Variants in ADCY5 observed in about 807,000 individuals in gnomAD.
ADCY5 encodes the protein adenylate cyclase type 5.
In ADCY5, 30 loss-of-function variants were observed where a neutral mutation model predicts 119.7. The observed-to-expected ratio is 0.25, with a 90% CI of 0.19 to 0.34. The LOEUF (loss-of-function observed/expected upper bound fraction) is 0.34. Among genes scored for constraint, ADCY5 ranks in the 10% least tolerant of loss-of-function variants. The pLI is 1.00. For synonymous variants in ADCY5, 753 were observed against 762.2 expected (o/e 0.99, Z 0.20); for missense variants, 1,324 against 1,775.2 (o/e 0.75, Z 4.57).
At position 123,296,273 on chromosome 3, in the gene ADCY5, G is replaced by A. The variant is rs1256065366; in HGVS notation, c.2931-57C>T. The A allele has an allele frequency of 2.5e-6, 4 of 1,579,218 alleles. No individual in the cohort carries two copies. The East Asian group carries it at 6.8e-5, about 27-fold the overall frequency. On this transcript the variant is annotated intron_variant, in intron 16 of 20. Coordinates refer to ENST00000462833, the MANE Select transcript of ADCY5 (RefSeq NM_183357.3). ...GCCGTGGCTCCTCACAGCGGGCTCT[G>A]AGGACCCCACCCCCACCCACTGCTG...
chr3:123,436,347 T>C (rs1197140679), intron 1 of ADCY5, among the ~76,000 whole-genome samples: 2 of 151,964 alleles, frequency 1.3e-5, no homozygotes, highest in Non-Finnish European at 2.9e-5. Flanking sequence ...TACTCTAGCC[T>C]GCGCAACAGA....
At chr3:123,432,421 G>A (rs1482707736) in intron 1 of ADCY5, among the ~76,000 whole-genome samples, 1 of 152,186 alleles carries the variant, frequency 6.6e-6, no homozygotes, top group Admixed American at 6.5e-5. Flanking sequence ...CGGGTGGAGG[G>A]AGAGAAAAAT....
intron 19 of ADCY5, 33 bp downstream of exon 19, chr3:123,289,717 C>G (rs892549255): frequency 6.2e-7 from 1 of 1,609,294 alleles, no homozygotes; most frequent in Non-Finnish European, 8.5e-7. Context: ...CTGACTGCAC[C>G]CTGGGCTCAG....
chr3:123,374,722 G>A (rs918070608), intron 1 of ADCY5, among the ~76,000 whole-genome samples: 11 of 152,086 alleles, frequency 7.2e-5, no homozygotes, highest in African/African-American at 2.7e-4. Flanking sequence ...CTGGAGGCTG[G>A]GTCTGCAGAC....
chr3:123,353,741 C>A lies in ADCY5; in HGVS notation c.1135-1160G>T, dbSNP rs191068623. ...GTCGGCTGCCTGGCAGTGGCCCTGG[C>A]AGATGACTCCTACGCTCTTCTCTAG... On this transcript the variant is annotated intron_variant, in intron 1 of 20. Transcript: ENST00000462833. 3.2e-4 allele frequency among the ~76,000 whole-genome samples: 49 copies of A among 152,302 alleles called. 1 individual carries two copies. The East Asian group carries it at 9.1e-3, about 28-fold the overall frequency.
At chr3:123,404,347 A>T (rs764393425) in intron 1 of ADCY5, 2 of 152,324 alleles carry the variant, frequency 1.3e-5, no homozygotes, top group Non-Finnish European at 2.9e-5. Context: ...CACCCTTGCC[A>T]GACACAGTGG....
intron 1 of ADCY5, among the ~76,000 whole-genome samples, chr3:123,369,907 C>T (rs535806956): frequency 6.6e-6 from 1 of 152,174 alleles, no homozygotes; most frequent in Non-Finnish European, 1.5e-5. Flanking sequence ...GGAGATTCTG[C>T]CCTGGTCTCC....
intron 20 of ADCY5, 92 bp from the exon 21 acceptor site, chr3:123,284,828 G>A: frequency 1.3e-6 from 2 of 1,538,950 alleles, no homozygotes; most frequent in Non-Finnish European, 1.8e-6. Context: ...GCCCAGCCCT[G>A]TTGCCGCCCC....
intron 1 of ADCY5, among the ~76,000 whole-genome samples, chr3:123,373,861 G>C (rs1943730753): frequency 1.4e-5 from 2 of 148,112 alleles, no homozygotes; most frequent in African/African-American, 5.0e-5. Flanking sequence ...AGGGTGATTT[G>C]GCAACCTTGG....
In ADCY5 at chr3:123,297,346, A is replaced by G. The variant is rs201682953; in HGVS notation, c.2930+7T>C. ...GGAGCGACCCTATCCGAGGAGCATC[A>G]ACTCACCACTGGGAGGTCCCGTTGT... On this transcript the variant is annotated splice_region_variant and intron_variant, in intron 16 of 20. Coordinates refer to ENST00000462833, the MANE Select transcript of ADCY5 (RefSeq NM_183357.3). 1.6e-5 allele frequency: 26 copies of G among 1,613,824 alleles called. No individual in the cohort carries two copies. The African/African-American group carries it at 3.2e-4, about 20-fold the overall frequency.
At chr3:123,342,475 C>T (rs1321607026) in intron 3 of ADCY5, among the ~76,000 whole-genome samples, 1 of 152,160 alleles carries the variant, frequency 6.6e-6, no homozygotes, top group East Asian at 1.9e-4. Flanking sequence ...ACCTCATTGC[C>T]ACACCAGACT....
In ADCY5 at chr3:123,406,442, C is replaced by A. The variant is rs572230833; in HGVS notation, c.1134+40970G>T. On this transcript the variant is annotated intron_variant, in intron 1 of 20. Coordinates refer to ENST00000462833, the MANE Select transcript of ADCY5 (RefSeq NM_183357.3). ...CGGTGGTTGTCTCCCGATCTGTTGG[C>A]CACACCATACCTGAACAATAATAAA... Among the ~76,000 whole-genome samples the A allele has an allele frequency of 7.9e-5, 12 of 152,334 alleles. No homozygotes were observed. The East Asian group carries it at 2.1e-3, about 27-fold the overall frequency.
chr3:123,401,832 T>A (rs1018315601), intron 1 of ADCY5, among the ~76,000 whole-genome samples: 2 of 152,098 alleles, frequency 1.3e-5, no homozygotes, highest in African/African-American at 4.8e-5. Context: ...ACCCGGCCTG[T>A]CTCAGAAAGG....
chr3:123,305,207 G>A (rs1042843710), intron 12 of ADCY5, among the ~76,000 whole-genome samples: 1 of 152,148 alleles, frequency 6.6e-6, no homozygotes, highest in Non-Finnish European at 1.5e-5. Context: ...CAGCTTTTGT[G>A]GTGAGTGAAG....
intron 1 of ADCY5, among the ~76,000 whole-genome samples, chr3:123,413,119 T>C (rs1945098060): frequency 1.3e-5 from 2 of 152,160 alleles, no homozygotes; most frequent in Admixed American, 6.5e-5. Flanking sequence ...TGTTTTCCCA[T>C]TTTCATCTTG....
At chr3:123,355,327 A>C (rs564484676) in intron 1 of ADCY5, among the ~76,000 whole-genome samples, 24 of 152,266 alleles carry the variant, frequency 1.6e-4, no homozygotes, top group African/African-American at 5.8e-4. Context: ...TTGGAAGTAA[A>C]ATTTTTAAAG....
chr3:123,303,771 G>T (rs1239798311), intron 13 of ADCY5, among the ~76,000 whole-genome samples: 1 of 152,114 alleles, frequency 6.6e-6, no homozygotes, highest in Admixed American at 6.6e-5. Flanking sequence ...GTTGCAGTGA[G>T]CTGTGATGGC....
intron 1 of ADCY5, among the ~76,000 whole-genome samples, chr3:123,409,527 A>G (rs1944989691): frequency 6.6e-6 from 1 of 152,172 alleles, no homozygotes; most frequent in African/African-American, 2.4e-5. Flanking sequence ...AGCAGCACAG[A>G]TAGGTAAGGG....
At chr3:123,290,283 A>G (rs1279963971) in intron 18 of ADCY5, among the ~76,000 whole-genome samples, 1 of 152,028 alleles carries the variant, frequency 6.6e-6, no homozygotes, top group Non-Finnish European at 1.5e-5. Flanking sequence ...ACCCAGGGAA[A>G]CCTCCATTTG....
Sources: gnomAD v4.1 joint callset for allele counts (sites outside exome capture counted in the v4.1 genomes callset) on GRCh38, gnomAD v4.1.1 for gene constraint, MANE v1.5 for transcripts, NCBI Gene and HGNC (gene_info 2026-07-23, HGNC 2026-07-21) for gene names.